Variants in DICER1 observed in about 807,000 individuals in gnomAD.
The protein encoded by DICER1 is endoribonuclease Dicer.
Under a neutral mutation model 194.1 loss-of-function variants are expected in DICER1, and 43 were observed. The ratio of observed to expected loss-of-function variants is 0.22; its 90% confidence interval spans 0.17 to 0.29. DICER1 has a LOEUF of 0.29. DICER1 is among the 10% of genes least tolerant of loss of function. The pLI is 1.00. For synonymous variants in DICER1, 832 were observed against 820.5 expected, an observed-to-expected ratio of 1.01 and a Z score of -0.24; for missense variants, 1,608 against 2,317.0, an observed-to-expected ratio of 0.69 and a Z score of 6.28.
rs200331768 is a variant in DICER1, at chr14:95,132,601, G to A, written c.221C>T (p.Ala74Val). ...GGACAGCTCTTTAGTGAGTAGTACT[G>A]CAATAAATGTCTTCCCTGAGCCAGT... Reference protein sequence around the residue: ...LNTGSGKTFIAVLLTKELSYQ... With the variant: ...LNTGSGKTFIVVLLTKELSYQ... The change falls in exon 3 of 27, where the codon GCA becomes GTA. Residue 74 changes from alanine to valine, a missense_variant. Ala to Val is a moderately conservative substitution (Grantham distance 64, BLOSUM62 0). Transcript: ENST00000343455. 5 of 1,613,408 alleles carry A rather than the reference G, an allele frequency of 3.1e-6. No homozygotes were observed. In the East Asian group the frequency reaches 8.9e-5, roughly 29 times the overall value.
chr14:95,115,915 A>C (rs1331111052), intron 10 of DICER1, 94 bp from the exon 11 acceptor site: 2 of 1,257,472 alleles, frequency 1.6e-6, no homozygotes, highest in Non-Finnish European at 2.3e-6. Flanking sequence ...TCTCCTGAAA[A>C]TATCTCTCTC....
chr14:95,118,840 A>G (rs1385362941), intron 8 of DICER1, among the ~76,000 whole-genome samples: 1 of 151,912 alleles, frequency 6.6e-6, no homozygotes, highest in African/African-American at 2.4e-5. Flanking sequence ...AATAATAAAG[A>G]GCTGGAAGTG....
intron 3 of DICER1, among the ~76,000 whole-genome samples, chr14:95,131,943 G>A (rs1248398192): frequency 6.6e-6 from 1 of 152,072 alleles, no homozygotes; most frequent in Non-Finnish European, 1.5e-5. Flanking sequence ...ATGGAAACAA[G>A]ACAGTCTAAC....
chr14:95,106,809 T>C (rs1292470280), intron 17 of DICER1, among the ~76,000 whole-genome samples: 1 of 152,170 alleles, frequency 6.6e-6, no homozygotes, highest in Admixed American at 6.5e-5. Flanking sequence ...ATTTACTATT[T>C]TCACAGAGCT....
At chr14:95,126,336 T>C (rs1320706365) in intron 7 of DICER1, among the ~76,000 whole-genome samples, 2 of 152,234 alleles carry the variant, frequency 1.3e-5, no homozygotes, top group Non-Finnish European at 2.9e-5. Flanking sequence ...TATACTTAAA[T>C]AACCATGACA....
chr14:95,119,331 A>G (rs572623865), intron 8 of DICER1, among the ~76,000 whole-genome samples: 1 of 152,338 alleles, frequency 6.6e-6, no homozygotes, highest in East Asian at 1.9e-4. Context: ...AACAGAAGAG[A>G]CAACAGGCAC....
rs61729796 is a variant in DICER1, at chr14:95,133,376, A to G, written c.83T>C (p.Phe28Ser). 26 of 1,614,054 alleles carry G rather than the reference A, an allele frequency of 1.6e-5. No individual in the cohort carries two copies. The highest frequency in any genetic ancestry group is 1.9e-5 in the Non-Finnish European group (23 of 1,180,026). Residue 28 changes from phenylalanine (F) to serine (S), a missense_variant, in exon 2 of 27, where the codon TTT becomes TCT. This residue lies in a region of DICER1 where 657 missense variants were observed against 910.1 expected (regional missense o/e 0.72). Coordinates refer to ENST00000343455, the MANE Select transcript of DICER1 (RefSeq NM_177438.3). ...TGCTTCTTGTTGCCATGGCAGTCCAAAGAAAGGACCCATTGGTGAGGAAGC... is the reference window on the plus strand; with the variant it reads ...TGCTTCTTGTTGCCATGGCAGTCCAGAGAAAGGACCCATTGGTGAGGAAGC... ...TPASSPMGPF[F>S]GLPWQQEAIH... is the part of the protein sequence containing the mutation.
At chr14:95,153,112 G>C (rs1895619886) in intron 1 of DICER1, among the ~76,000 whole-genome samples, 1 of 152,058 alleles carries the variant, frequency 6.6e-6, no homozygotes, top group South Asian at 2.1e-4. Flanking sequence ...AGCTACTCGG[G>C]AGGCTGAGGC....
chr14:95,096,625 G>A lies in DICER1; in HGVS notation c.4295C>T (p.Pro1432Leu), dbSNP rs747593690. 9 of 1,611,550 alleles carry A rather than the reference G, an allele frequency of 5.6e-6. No homozygotes were observed. The highest frequency in any genetic ancestry group is 2.2e-5 in the East Asian group (1 of 44,868). The change falls in exon 23 of 27, where the codon CCG becomes CTG. Residue 1432 changes from proline to leucine, a missense_variant. Physicochemically the swap from Pro to Leu is moderately conservative, Grantham distance 98. Coordinates refer to ENST00000343455, the MANE Select transcript of DICER1 (RefSeq NM_177438.3). ...ATCTTCATAGTCAGCCTCTTCCTTCGGAGCCCTCCACATCAGGCTCTCCTC... is the reference window on the plus strand; with the variant it reads ...ATCTTCATAGTCAGCCTCTTCCTTCAGAGCCCTCCACATCAGGCTCTCCTC... ...EEEESLMWRA[P>L]KEEADYEDDF... is the part of the protein sequence containing the mutation.
chr14:95,153,503 C>T (rs1207971586), intron 1 of DICER1, among the ~76,000 whole-genome samples: 1 of 152,278 alleles, frequency 6.6e-6, no homozygotes. Flanking sequence ...AAATGTAAAA[C>T]ATTTTCTCCA....
At chr14:95,146,688 G>A (rs1261109094) in intron 1 of DICER1, among the ~76,000 whole-genome samples, 2 of 152,176 alleles carry the variant, frequency 1.3e-5, no homozygotes, top group Admixed American at 1.3e-4. Context: ...CACTAGCTGA[G>A]CCAGAGCACA....
At chr14:95,098,246 A>G (rs1192717122) in intron 22 of DICER1, among the ~76,000 whole-genome samples, 1 of 152,208 alleles carries the variant, frequency 6.6e-6, no homozygotes, top group Admixed American at 6.5e-5. Context: ...TTTTAAGAAA[A>G]AACAGCCACA....
Position 95,103,478 on chromosome 14 carries a change from A to G in DICER1, c.3918T>C (p.Ala1306=), listed in dbSNP as rs1555369319. 6.2e-7 allele frequency: 1 copy of G among 1,614,226 alleles called. No homozygotes were observed. The highest frequency in any genetic ancestry group is 8.5e-7 in the Non-Finnish European group (1 of 1,180,044). ...GCCGCTCCAGGTTAAATCCATCACT[A>G]GCGTTTGACAGAGTCAAAGCCTGAA... ...LILQALTLSN[A]SDGFNLERLE... is the part of the protein sequence containing the mutation. The change falls in exon 21 of 27, where the codon GCT becomes GCC. Residue 1306 remains alanine (A), a synonymous_variant. Transcript: ENST00000343455.
intron 13 of DICER1, 26 bp from the exon 14 acceptor site, chr14:95,111,482 C>T: frequency 6.2e-7 from 1 of 1,613,152 alleles, no homozygotes. Flanking sequence ...AGAGAATTAA[C>T]ACAATCCAGA....
chr14:95,129,406 A>G, intron 6 of DICER1, 66 bp downstream of exon 6: 1 of 1,523,508 alleles, frequency 6.6e-7, no homozygotes, highest in South Asian at 1.1e-5. Context: ...GTACTACAAA[A>G]ACACCAAAGA....
In DICER1 at chr14:95,090,225, C is replaced by G; in HGVS notation, c.*273G>C. 1 of 489,066 alleles carries G rather than the reference C, an allele frequency of 2.0e-6. No homozygotes were observed. The highest frequency in any genetic ancestry group is 3.6e-5 in the East Asian group (1 of 27,776). The allele number at this position is 489,066 out of a possible 1,614,324, so 30.3% of individuals were successfully genotyped here. On this transcript the variant is annotated 3_prime_UTR_variant, in exon 27 of 27. Transcript: ENST00000343455. ...ATTTTGAGCACTTGCTAAATGTCAT[C>G]ATTAAAGCACTCTTGTGATTTAAAC... is the stretch of plus-strand genomic sequence containing the variant.
At chr14:95,123,361 T>C (rs965391263) in intron 8 of DICER1, among the ~76,000 whole-genome samples, 2 of 152,232 alleles carry the variant, frequency 1.3e-5, no homozygotes, top group Non-Finnish European at 2.9e-5. Context: ...AAAATTTTAA[T>C]ATGCAGTCTA....
chr14:95,120,202 T>C (rs1194423707), intron 8 of DICER1, among the ~76,000 whole-genome samples: 2 of 152,184 alleles, frequency 1.3e-5, no homozygotes, highest in African/African-American at 2.4e-5. Flanking sequence ...CTCCTTACAT[T>C]TTCTTGTCAA....
chr14:95,140,893 CA>C (rs1258318618), intron 1 of DICER1: 1 of 152,038 alleles, frequency 6.6e-6, no homozygotes, highest in Non-Finnish European at 1.5e-5. Context: ...AAACAAAAGG[CA>C]TTTAGATTAT....
Sources: allele counts gnomAD v4.1 joint callset (sites outside exome capture counted in the v4.1 genomes callset), GRCh38; gene constraint gnomAD v4.1.1; regional missense constraint gnomAD v4.1.1; transcripts MANE v1.5; gene names NCBI Gene and HGNC (gene_info 2026-07-23, HGNC 2026-07-21).